Variants in OTOA observed in about 807,000 individuals in gnomAD.
The protein encoded by OTOA is cancer/testis antigen 108.
A neutral mutation model predicts 110.8 loss-of-function variants in OTOA; 70 were observed. That is an observed-to-expected ratio of 0.63 (90% CI 0.52 to 0.77). The LOEUF (loss-of-function observed/expected upper bound fraction) is 0.77. OTOA is among the 30% of genes least tolerant of loss of function. The pLI is 0.00. For synonymous variants in OTOA, 373 were observed against 431.5 expected (o/e 0.86, Z 1.68); for missense variants, 917 against 1,075.8 (o/e 0.85, Z 2.06).
intron 14 of OTOA, among the ~76,000 whole-genome samples, chr16:21,716,641 G>A (rs369287812): frequency 2.0e-4 from 30 of 152,200 alleles, no homozygotes; most frequent in African/African-American, 7.0e-4. Flanking sequence ...ATAGCAAGTA[G>A]CCCATACAGT....
intron 2 of OTOA, 129 bp from the exon 3 acceptor site, chr16:21,678,786 G>C (rs1966868575): frequency 7.8e-7 from 1 of 1,289,370 alleles, no homozygotes; most frequent in Non-Finnish European, 1.1e-6. Context: ...AGAGTGGACA[G>C]TTATAATTAA....
intron 5 of OTOA, among the ~76,000 whole-genome samples, chr16:21,679,798 A>AT (rs1966874946): frequency 6.6e-6 from 1 of 152,148 alleles, no homozygotes. Context: ...GTGCCACACA[A>AT]TGTAGTTCCC....
intron 9 of OTOA, among the ~76,000 whole-genome samples, chr16:21,695,891 AT>A (rs386384450): frequency 0.016 from 690 of 41,874 alleles, 21 homozygotes; most frequent in East Asian, 0.13. Context: ...ATATATATAT[AT>A]TTTTTTTTTT....
chr16:21,723,133 C>G (rs543547881), intron 18 of OTOA, among the ~76,000 whole-genome samples, 155 bp downstream of exon 18: 2 of 152,274 alleles, frequency 1.3e-5, no homozygotes, highest in South Asian at 4.1e-4. Flanking sequence ...TCCAGGATTT[C>G]AATTCTGAGT....
At position 21,736,405 on chromosome 16, in the gene OTOA, G is replaced by A; in HGVS notation, c.2431+15G>A. 1.1e-5 allele frequency: 17 copies of A among 1,614,048 alleles called. No individual in the cohort carries two copies. The highest frequency in any genetic ancestry group is 1.4e-5 in the Non-Finnish European group (17 of 1,179,990). ...CCCTATGCCTGGTGAGTGTTTTCAG[G>A]GTATCTGAGCCATTGCTGACATAGT... On this transcript the variant is annotated intron_variant, in intron 22 of 28. Transcript: ENST00000646100.
At chr16:21,719,546 A>C in intron 17 of OTOA, 42 bp downstream of exon 17, 1 of 1,542,830 alleles carries the variant, frequency 6.5e-7, no homozygotes, top group Non-Finnish European at 9.0e-7. Context: ...CTCTCTCCCT[A>C]CCCCAGTCAC....
chr16:21,693,433 G>A (rs1043464552), intron 9 of OTOA, among the ~76,000 whole-genome samples: 6 of 152,166 alleles, frequency 3.9e-5, no homozygotes, highest in Admixed American at 1.3e-4. Context: ...AATAGCTGAA[G>A]ATAGAGAAGG....
intron 9 of OTOA, among the ~76,000 whole-genome samples, chr16:21,692,650 G>A (rs568351951): frequency 3.9e-5 from 6 of 152,198 alleles, no homozygotes; most frequent in East Asian, 1.9e-4. Context: ...CAGGTGGGCC[G>A]GGCATGGTGG....
chr16:21,759,707 C>G (rs1430473882), intron 28 of OTOA, among the ~76,000 whole-genome samples: 1 of 151,980 alleles, frequency 6.6e-6, no homozygotes, highest in Non-Finnish European at 1.5e-5. Flanking sequence ...TTGAGATGAG[C>G]CTGGCCAATA....
rs1390902790 is a variant in OTOA, at chr16:21,718,316, C to T, written c.1630-817C>T. Among the ~76,000 whole-genome samples the T allele has an allele frequency of 3.3e-5, 5 of 152,076 alleles. 1 individual carries two copies. Among genetic ancestry groups the T allele is most frequent in the African/African-American group, 7.2e-5 (3 of 41,406 alleles). ...CGAAGACTTCAAGATACTTTTGTCT[C>T]GGCCATTGAGCTGATGGGATTGCTG... On this transcript the variant is annotated intron_variant, in intron 15 of 28. Transcript: ENST00000646100.
chr16:21,674,882 T>A (rs1295062149), intron 1 of OTOA, among the ~76,000 whole-genome samples: 2 of 148,544 alleles, frequency 1.3e-5, no homozygotes, highest in East Asian at 3.9e-4. Context: ...TTTTGCTGGA[T>A]TTTTTTTAAA....
chr16:21,719,481 T>C lies in OTOA; in HGVS notation c.1783T>C (p.Phe595Leu), dbSNP rs1898662037. 6.2e-7 allele frequency: 1 copy of C among 1,614,080 alleles called. No individual in the cohort carries two copies. Residue 595 changes from phenylalanine (F) to leucine (L), a missense_variant, in exon 17 of 29, where the codon TTC (phenylalanine) becomes CTC (leucine). By Grantham distance (22) the Phe-to-Leu change is conservative. Coordinates refer to ENST00000646100, the MANE Select transcript of OTOA (RefSeq NM_144672.4). ...LAHFQDFQNN[F>L]ALLSPYQVNC... is the part of the protein sequence containing the mutation. ...CCATTTCCAGGATTTTCAGAACAAC[T>C]TCGCCCTGCTTTCACCCTATCAGGT... is the stretch of plus-strand genomic sequence containing the variant.
At chr16:21,757,552 A>G (rs1319588643) in intron 28 of OTOA, among the ~76,000 whole-genome samples, 4 of 152,244 alleles carry the variant, frequency 2.6e-5, no homozygotes, top group African/African-American at 9.7e-5. Flanking sequence ...TCAGAAACTC[A>G]GGACTAATTT....
intron 11 of OTOA, among the ~76,000 whole-genome samples, chr16:21,702,359 C>T (rs1211950132): frequency 6.6e-6 from 1 of 152,188 alleles, no homozygotes; most frequent in Non-Finnish European, 1.5e-5. Context: ...GGAATGTACT[C>T]ATAGGAAACA....
chr16:21,719,021 C>G (rs1485750563), intron 15 of OTOA, 112 bp from the exon 16 acceptor site: 5 of 1,079,458 alleles, frequency 4.6e-6, no homozygotes, highest in Non-Finnish European at 7.2e-6. Context: ...TGTTAAGCCT[C>G]CATTTCCCCA....
intron 12 of OTOA, among the ~76,000 whole-genome samples, chr16:21,706,941 G>A (rs11649667): frequency 0.048 from 7,198 of 149,076 alleles, 204 homozygotes; most frequent in Middle Eastern, 0.14. Flanking sequence ...CCGGGTTCAA[G>A]TGGCACAATT....
At chr16:21,720,077 T>A (rs933729863) in intron 17 of OTOA, among the ~76,000 whole-genome samples, 1 of 152,184 alleles carries the variant, frequency 6.6e-6, no homozygotes, top group East Asian at 1.9e-4. Flanking sequence ...CGTCTCAACT[T>A]CTTGAGTAGC....
At chr16:21,678,105 C>T (rs968372165) in intron 1 of OTOA, among the ~76,000 whole-genome samples, 10 of 151,834 alleles carry the variant, frequency 6.6e-5, no homozygotes, top group African/African-American at 2.2e-4. Flanking sequence ...AGGCTGGTCT[C>T]GAACTCCTGA....
At chr16:21,714,866 C>T in intron 13 of OTOA, 119 bp from the exon 14 acceptor site, 1 of 1,326,178 alleles carries the variant, frequency 7.5e-7, no homozygotes. Flanking sequence ...CTGTCTGGCT[C>T]ACTGCTGTGC....
Sources: allele counts gnomAD v4.1 joint callset (sites outside exome capture counted in the v4.1 genomes callset), GRCh38; gene constraint gnomAD v4.1.1; transcripts MANE v1.5; gene names NCBI Gene and HGNC (gene_info 2026-07-23, HGNC 2026-07-21).